Variants in SNX14 observed in about 807,000 individuals in gnomAD.
SNX14 encodes the protein sorting nexin-14.
In SNX14, 93 loss-of-function variants were observed where a neutral mutation model predicts 133.8. The observed-to-expected ratio is 0.70, with a 90% CI of 0.59 to 0.83. The LOEUF is 0.83. Ranked by LOEUF, SNX14 falls within the 40% of genes least tolerant of loss-of-function variation. SNX14 has a pLI of 0.00. For missense variants in SNX14, 945 were observed against 1,094.9 expected (o/e 0.86, Z 1.93); for synonymous variants, 368 against 365.6 (o/e 1.01, Z -0.07).
intron 25 of SNX14, 51 bp downstream of exon 25, chr6:85,514,018 TA>T: frequency 6.4e-7 from 1 of 1,571,558 alleles, no homozygotes; most frequent in East Asian, 2.2e-5. Flanking sequence ...TAGATTCAAT[TA>T]AAATCATAGA....
intron 6 of SNX14, among the ~76,000 whole-genome samples, chr6:85,564,447 T>G (rs1793028945): frequency 6.6e-6 from 1 of 152,188 alleles, no homozygotes; most frequent in Non-Finnish European, 1.5e-5. Flanking sequence ...TTGCCTGACT[T>G]TTTAATAATT....
At chr6:85,559,484 T>C (rs1790837227) in intron 6 of SNX14, among the ~76,000 whole-genome samples, 1 of 152,204 alleles carries the variant, frequency 6.6e-6, no homozygotes, top group Non-Finnish European at 1.5e-5. Flanking sequence ...TAAAAAATTG[T>C]AGACCCTAAA....
At chr6:85,550,495 T>C (rs1164367492) in intron 7 of SNX14, among the ~76,000 whole-genome samples, 4 of 152,146 alleles carry the variant, frequency 2.6e-5, no homozygotes, top group African/African-American at 9.7e-5. Context: ...AAAATTATTA[T>C]TATTATCATT....
intron 7 of SNX14, among the ~76,000 whole-genome samples, chr6:85,556,111 A>G (rs1303056219): frequency 6.6e-6 from 1 of 152,242 alleles, no homozygotes; most frequent in African/African-American, 2.4e-5. Context: ...AATACTAGGA[A>G]AAGGTGAGAG....
chr6:85,562,118 T>A (rs111730814), intron 6 of SNX14, among the ~76,000 whole-genome samples: 2,200 of 152,312 alleles, frequency 0.014, 50 homozygotes, highest in African/African-American at 0.051. Context: ...TATGTTCCTG[T>A]GTTAATTCAC....
At chr6:85,591,839 C>T (rs182591678) in intron 1 of SNX14, among the ~76,000 whole-genome samples, 161 of 152,128 alleles carry the variant, frequency 1.1e-3, no homozygotes, top group Admixed American at 2.2e-3. Context: ...GTGAAACCCC[C>T]GTCTCTATTA....
intron 1 of SNX14, among the ~76,000 whole-genome samples, chr6:85,590,218 C>CG (rs1341048819): frequency 6.6e-6 from 1 of 152,156 alleles, no homozygotes; most frequent in Non-Finnish European, 1.5e-5. Context: ...CTTCAAAGCT[C>CG]GGGGGTTAGA....
At chr6:85,512,086 G>A (rs1239301099) in intron 26 of SNX14, among the ~76,000 whole-genome samples, 22 of 152,256 alleles carry the variant, frequency 1.4e-4, no homozygotes. Context: ...TTGGAGTTGG[G>A]TATTTCCCTT....
At chr6:85,541,308 T>C (rs529438723) in intron 15 of SNX14, among the ~76,000 whole-genome samples, 21 of 152,320 alleles carry the variant, frequency 1.4e-4, no homozygotes, top group East Asian at 1.2e-3. Context: ...CATTCTTTCA[T>C]TGGAAATTCA....
intron 16 of SNX14, 63 bp from the exon 17 acceptor site, chr6:85,536,987 A>T: frequency 7.0e-7 from 1 of 1,430,364 alleles, no homozygotes; most frequent in Middle Eastern, 1.8e-4. Flanking sequence ...TAGTTTATTG[A>T]AAACCATTAT....
rs746721196 is a variant in SNX14 at position 85,516,632 on chromosome 6, CTTTTTTTTTTT to C, written c.2268+1113_2268+1123del. On this transcript the variant is annotated intron_variant, in intron 23 of 28. Transcript: ENST00000314673. ...AAACATGAATGTAAACTTCCTTAAT[CTTTTTTTTTTT>C]TTTTTTTTTTTGGAGACAGAGTCTT... Among the ~76,000 whole-genome samples, 4 of 126,448 alleles carry C rather than the reference CTTTTTTTTTTT, an allele frequency of 3.2e-5. No individual in the cohort carries two copies. The East Asian group carries it at 6.7e-4, about 21-fold the overall frequency. 83.0% of individuals were successfully genotyped at this position (126,448 alleles called of 152,430 possible).
rs58265490 is a variant in SNX14, at chr6:85,583,783, G to C, written c.141-9405C>G. 6.9e-3 allele frequency among the ~76,000 whole-genome samples: 1,049 copies of C among 152,200 alleles called. 15 individuals are homozygous for C. Among genetic ancestry groups the C allele is most frequent in the African/African-American group, 0.024 (998 of 41,532 alleles). On this transcript the variant is annotated intron_variant, in intron 1 of 28. Coordinates refer to ENST00000314673, the MANE Select transcript of SNX14 (RefSeq NM_153816.6). ...AAATGCAAAAACATTCCATGCTCAT[G>C]GATAGGAAGAATCAATATCGTGAAA...
rs144647840 is a variant in SNX14 at position 85,539,989 on chromosome 6, G to A, written c.1449-1125C>T. Among the ~76,000 whole-genome samples, 62 of 59,506 alleles carry A rather than the reference G, an allele frequency of 1.0e-3. No individual in the cohort carries two copies. The East Asian group carries it at 0.02, about 19-fold the overall frequency. The allele number at this position is 59,506 out of a possible 152,430, so 39.0% of individuals were successfully genotyped here. A position where few individuals can be genotyped will look rare whatever the true frequency, so the allele number is the denominator to read the frequency against. ...TATTTTATTTTATTTTAATTGAGGC[G>A]GAGTCTTAGTTGCCCAGGCTGGAGT... On this transcript the variant is annotated intron_variant, in intron 15 of 28. Transcript: ENST00000314673.
At chr6:85,587,219 T>C (rs1437500798) in intron 1 of SNX14, among the ~76,000 whole-genome samples, 2 of 149,028 alleles carry the variant, frequency 1.3e-5, no homozygotes, top group African/African-American at 4.9e-5. Flanking sequence ...AAAAAAAAAA[T>C]ATGGCAAAAT....
intron 17 of SNX14, among the ~76,000 whole-genome samples, chr6:85,535,670 C>A (rs372809533): frequency 2.7e-5 from 4 of 147,724 alleles, no homozygotes; most frequent in African/African-American, 1.0e-4. Flanking sequence ...CATAAAAAAA[C>A]GGCTTTATTT....
chr6:85,574,986 C>A (rs895419118), intron 1 of SNX14, among the ~76,000 whole-genome samples: 2 of 152,022 alleles, frequency 1.3e-5, no homozygotes, highest in African/African-American at 4.8e-5. Flanking sequence ...TACAGAAAAA[C>A]TTAAAGGGTA....
At chr6:85,521,910 A>AT (rs1234830371) in intron 21 of SNX14, among the ~76,000 whole-genome samples, 2 of 152,074 alleles carry the variant, frequency 1.3e-5, no homozygotes, top group Admixed American at 1.3e-4. Context: ...TATGAGTTTG[A>AT]TTTTTTTATT....
At chr6:85,541,364 T>A (rs1206501683) in intron 15 of SNX14, among the ~76,000 whole-genome samples, 1 of 152,212 alleles carries the variant, frequency 6.6e-6, no homozygotes, top group Non-Finnish European at 1.5e-5. Context: ...AACATATATT[T>A]ATTCATATAT....
At chr6:85,515,241 T>C (rs1010883335) in intron 23 of SNX14, among the ~76,000 whole-genome samples, 2 of 118,774 alleles carry the variant, frequency 1.7e-5, no homozygotes, top group Non-Finnish European at 3.2e-5. Context: ...CACTCCAGCC[T>C]GGGTGACAGA....
Sources: gnomAD v4.1 joint callset for allele counts (sites outside exome capture counted in the v4.1 genomes callset) on GRCh38, gnomAD v4.1.1 for gene constraint, MANE v1.5 for transcripts, NCBI Gene and HGNC (gene_info 2026-07-23, HGNC 2026-07-21) for gene names.